Variants in DPYD observed in about 807,000 individuals in gnomAD.
DPYD encodes the protein dihydropyrimidine dehydrogenase [NADP(+)].
A neutral mutation model predicts 116.2 loss-of-function variants in DPYD; 109 were observed. The observed-to-expected ratio is 0.94, with a 90% CI of 0.80 to 1.10. The LOEUF (loss-of-function observed/expected upper bound fraction) is 1.10, where lower values mean the gene tolerates loss of function less well. Among genes scored for constraint, DPYD ranks in the 50% least tolerant of loss-of-function variants. The probability of loss-of-function intolerance (pLI) is 0.00; values close to 1 mark genes in which losing one functional copy is unlikely to be tolerated. For synonymous variants in DPYD, 440 were observed against 432.0 expected (o/e 1.02, Z -0.23); for missense variants, 1,302 against 1,254.5 (o/e 1.04, Z -0.57).
rs377003916 is a variant in DPYD, at chr1:97,421,588, T to C, written c.1905+28471A>G. Among the ~76,000 whole-genome samples, 4 of 152,204 alleles carry C rather than the reference T, an allele frequency of 2.6e-5. No homozygotes were observed. In the East Asian group the frequency reaches 5.8e-4, roughly 22 times the overall value. On this transcript the variant is annotated intron_variant, in intron 14 of 22. Transcript: ENST00000370192. ...GTGCCTATCCCATAACAGGTGACAA[T>C]AAATATTTGTTGGAAGAATGTATTG...
chr1:97,582,134 TTACATAACTATCTGAGTA>T (rs1288140344), intron 10 of DPYD, among the ~76,000 whole-genome samples: 2 of 152,194 alleles, frequency 1.3e-5, no homozygotes, highest in African/African-American at 4.8e-5. Context: ...GTAATGCAAG[TTACATAACTATCTGAGTA>T]TAAATTAGAT....
At chr1:97,756,340 G>T (rs1053240241) in intron 3 of DPYD, among the ~76,000 whole-genome samples, 1 of 152,082 alleles carries the variant, frequency 6.6e-6, no homozygotes, top group African/African-American at 2.4e-5. Context: ...ATCTTATAGC[G>T]CAGGGTGGTG....
chr1:97,857,114 C>T (rs1670883085), intron 2 of DPYD, among the ~76,000 whole-genome samples: 1 of 152,170 alleles, frequency 6.6e-6, no homozygotes, highest in Admixed American at 6.5e-5. Context: ...CAAGAAGGGT[C>T]TCAATACCAG....
At chr1:97,724,303 GGGGGGTGTGTGTGTGT>G (rs1557910209) in intron 4 of DPYD, among the ~76,000 whole-genome samples, 1 of 14,450 alleles carries the variant, frequency 6.9e-5, no homozygotes, top group Admixed American at 6.7e-4. Flanking sequence ...TGGGGGGGGG[GGGGGGTGTGTGTGTGT>G]GTGTGTGTGT....
intron 19 of DPYD, among the ~76,000 whole-genome samples, chr1:97,195,604 GTGTATATATATGTA>G (rs1330181329): frequency 8.9e-6 from 1 of 111,834 alleles, no homozygotes; most frequent in Non-Finnish European, 1.8e-5. Context: ...ATGTGTGTGT[GTGTATATATATGTA>G]TGTGTATATG....
intron 8 of DPYD, among the ~76,000 whole-genome samples, chr1:97,660,119 A>G (rs1659165884): frequency 6.6e-6 from 1 of 152,146 alleles, no homozygotes; most frequent in African/African-American, 2.4e-5. Context: ...TGCTTGTCAC[A>G]ATAATTTACT....
At chr1:97,279,995 C>T (rs1665204716) in intron 18 of DPYD, 1 of 152,102 alleles carries the variant, frequency 6.6e-6, no homozygotes, top group Non-Finnish European at 1.5e-5. Context: ...GAGGATCCTT[C>T]TAAGAAATTG....
At chr1:97,383,475 CAA>C (rs796302274) in intron 14 of DPYD, among the ~76,000 whole-genome samples, 4 of 80,268 alleles carry the variant, frequency 5.0e-5, no homozygotes, top group Admixed American at 1.4e-4. Context: ...GACTCTGTCT[CAA>C]AAAAAAAAAA....
chr1:97,588,732 G>GT (rs1654311308), intron 10 of DPYD, among the ~76,000 whole-genome samples: 1 of 152,222 alleles, frequency 6.6e-6, no homozygotes, highest in African/African-American at 2.4e-5. Context: ...AGAAGCGCTA[G>GT]TTTGTCAGTA....
chr1:97,912,545 TACGTGGATG>T (rs1190687652), intron 1 of DPYD, among the ~76,000 whole-genome samples: 1 of 152,144 alleles, frequency 6.6e-6, no homozygotes, highest in Non-Finnish European at 1.5e-5. Context: ...ACATCAATAT[TACGTGGATG>T]ACTTGAGTGG....
intron 3 of DPYD, among the ~76,000 whole-genome samples, chr1:97,798,911 A>T (rs1183736258): frequency 6.6e-6 from 1 of 152,050 alleles, no homozygotes; most frequent in South Asian, 2.1e-4. Context: ...GCATTGTAAC[A>T]GGCAGACAGG....
At chr1:97,639,299 C>T (rs76739361) in intron 8 of DPYD, among the ~76,000 whole-genome samples, 1 of 152,048 alleles carries the variant, frequency 6.6e-6, no homozygotes, top group African/African-American at 2.4e-5. Flanking sequence ...CTATTGCTTA[C>T]TGTTATTGAT....
At chr1:97,276,013 TC>T (rs1664908503) in intron 18 of DPYD, among the ~76,000 whole-genome samples, 1 of 152,138 alleles carries the variant, frequency 6.6e-6, no homozygotes, top group African/African-American at 2.4e-5. Flanking sequence ...CTCAACAGGT[TC>T]CACAACTTTT....
intron 16 of DPYD, among the ~76,000 whole-genome samples, chr1:97,353,271 C>T (rs1670243428): frequency 6.6e-6 from 1 of 152,118 alleles, no homozygotes; most frequent in African/African-American, 2.4e-5. Flanking sequence ...TGAAAATACT[C>T]CTCACTGCCT....
chr1:97,626,471 A>G (rs566171781), intron 8 of DPYD, among the ~76,000 whole-genome samples: 1 of 152,178 alleles, frequency 6.6e-6, no homozygotes, highest in South Asian at 2.1e-4. Flanking sequence ...AACAACATAA[A>G]AAAACATACA....
chr1:97,698,444 A>T (rs1033005024), intron 6 of DPYD, among the ~76,000 whole-genome samples: 10 of 151,738 alleles, frequency 6.6e-5, no homozygotes, highest in African/African-American at 2.4e-4. Flanking sequence ...ACTGGTGCCA[A>T]AAAACATAAG....
At chr1:97,607,055 T>C (rs1655642805) in intron 8 of DPYD, among the ~76,000 whole-genome samples, 1 of 151,964 alleles carries the variant, frequency 6.6e-6, no homozygotes. Context: ...ACATTCTATA[T>C]ATGGCATTCA....
chr1:97,797,495 A>C, intron 3 of DPYD: 1 of 152,032 alleles, frequency 6.6e-6, no homozygotes. Context: ...AGAATACACT[A>C]AAAGGGAAGA....
chr1:97,569,824 CCATGCA>C (rs1360653303), intron 11 of DPYD, among the ~76,000 whole-genome samples: 17 of 151,972 alleles, frequency 1.1e-4, no homozygotes, highest in South Asian at 2.1e-4. Context: ...ATAACATATT[CCATGCA>C]CATGGATATG....
Sources: allele counts gnomAD v4.1 joint callset (sites outside exome capture counted in the v4.1 genomes callset), GRCh38; gene constraint gnomAD v4.1.1; transcripts MANE v1.5; gene names NCBI Gene and HGNC (gene_info 2026-07-23, HGNC 2026-07-21).